The following TUSC3 variants were observed in gnomAD, a reference collection of about 807,000 sequenced individuals.
TUSC3 encodes the protein dolichyl-diphosphooligosaccharide--protein glycosyltransferase subunit TUSC3.
In TUSC3, 45 loss-of-function variants were observed where a neutral mutation model predicts 44.8. That is an observed-to-expected ratio of 1.00 (90% CI 0.79 to 1.29). TUSC3 has a LOEUF of 1.29. Among genes scored for constraint, TUSC3 ranks in the 50% most tolerant of loss-of-function variants. The probability of loss-of-function intolerance (pLI) is 0.00; values close to 1 mark genes in which losing one functional copy is unlikely to be tolerated. For synonymous variants in TUSC3, 212 were observed against 152.9 expected (o/e 1.39, Z -2.85); for missense variants, 519 against 437.9 (o/e 1.19, Z -1.65).
At chr8:15,466,682 A>C (rs1400805483) in intron 1 of TUSC3, among the ~76,000 whole-genome samples, 2 of 152,148 alleles carry the variant, frequency 1.3e-5, no homozygotes, top group Non-Finnish European at 2.9e-5. Context: ...CAGTAGATTA[A>C]GGAAAAGGTT....
At chr8:15,555,991 T>C (rs1024998117) in intron 1 of TUSC3, among the ~76,000 whole-genome samples, 3 of 151,150 alleles carry the variant, frequency 2.0e-5, no homozygotes, top group African/African-American at 7.3e-5. Flanking sequence ...ATTTTATTTT[T>C]TATTTTTTTA....
chr8:15,851,729 G>C, the TUSC3 span, among the ~76,000 whole-genome samples: 1 of 152,112 alleles, frequency 6.6e-6, no homozygotes, highest in Non-Finnish European at 1.5e-5. Flanking sequence ...TCTTCATTTT[G>C]CTGTTAGCAT....
chr8:15,754,762 C>T (rs576960284), intron 9 of TUSC3, among the ~76,000 whole-genome samples: 2 of 149,656 alleles, frequency 1.3e-5, no homozygotes, highest in East Asian at 2.0e-4. Context: ...TCTTTATGTA[C>T]AGAACCGTGA....
At chr8:15,784,517 CAT>C in the TUSC3 span, among the ~76,000 whole-genome samples, 134 of 143,432 alleles carry the variant, frequency 9.3e-4, 1 homozygote, top group East Asian at 0.014. Context: ...TGTGTGTGTG[CAT>C]ATATATATAT....
intron 2 of TUSC3, among the ~76,000 whole-genome samples, chr8:15,632,001 C>T (rs990743906): frequency 5.3e-5 from 8 of 152,114 alleles, no homozygotes; most frequent in African/African-American, 1.9e-4. Context: ...GCCACCGTAC[C>T]CGGCCAAGGC....
At chr8:15,577,185 T>A (rs1351094560) in intron 1 of TUSC3, among the ~76,000 whole-genome samples, 1 of 150,610 alleles carries the variant, frequency 6.6e-6, no homozygotes, top group Non-Finnish European at 1.5e-5. Flanking sequence ...TAAATTTGTT[T>A]GAGTTCATTG....
At chr8:15,703,461 T>A (rs1229139562) in intron 6 of TUSC3, among the ~76,000 whole-genome samples, 2 of 152,116 alleles carry the variant, frequency 1.3e-5, no homozygotes, top group African/African-American at 4.8e-5. Flanking sequence ...TTAGTGATAT[T>A]GAAAATAACA....
At chr8:15,800,408 AC>A in the TUSC3 span, among the ~76,000 whole-genome samples, 1 of 152,056 alleles carries the variant, frequency 6.6e-6, no homozygotes, top group African/African-American at 2.4e-5. Context: ...ACCCGTATCT[AC>A]AAAAAATACA....
chr8:15,437,326 C>G (rs28670740), intron 1 of TUSC3, among the ~76,000 whole-genome samples: 1 of 151,998 alleles, frequency 6.6e-6, no homozygotes, highest in Non-Finnish European at 1.5e-5. Flanking sequence ...TTAGTCTAGA[C>G]CTACATATCT....
At chr8:15,430,159 G>C (rs928721585) in intron 1 of TUSC3, among the ~76,000 whole-genome samples, 1 of 147,120 alleles carries the variant, frequency 6.8e-6, no homozygotes, top group Non-Finnish European at 1.5e-5. Flanking sequence ...CCAAAGCCTG[G>C]CAGAGACACA....
intron 1 of TUSC3, among the ~76,000 whole-genome samples, chr8:15,544,353 A>C (rs769618304): frequency 1.3e-5 from 2 of 151,724 alleles, no homozygotes; most frequent in Non-Finnish European, 2.9e-5. Context: ...TTCTGTAATT[A>C]TTTCCAGTAC....
rs1404413755 is a variant in TUSC3, at chr8:15,764,328, G to T, written c.*172G>T. The T allele has an allele frequency of 2.5e-6, 3 of 1,218,424 alleles. No homozygotes were observed. Among genetic ancestry groups the T allele is most frequent in the Non-Finnish European group, 3.5e-6 (3 of 858,270 alleles). The allele number at this position is 1,218,424 out of a possible 1,614,324, so 75.5% of individuals were successfully genotyped here. A position where few individuals can be genotyped will look rare whatever the true frequency, so the allele number is the denominator to read the frequency against. ...CATTGTGATCAGCTAGCTTATTCTT[G>T]TGTACTTTTTTTAAACTGTGGGTTT... is the stretch of plus-strand genomic sequence containing the variant. On this transcript the variant is annotated 3_prime_UTR_variant, in exon 11 of 11. Coordinates refer to ENST00000503731, the MANE Select transcript of TUSC3 (RefSeq NM_006765.4).
At chr8:15,746,612 A>G (rs1202120567) in intron 8 of TUSC3, among the ~76,000 whole-genome samples, 2 of 152,032 alleles carry the variant, frequency 1.3e-5, no homozygotes, top group Non-Finnish European at 2.9e-5. Context: ...TCCACTGCAT[A>G]GGATCAAGTA....
In TUSC3 at chr8:15,675,961, C is replaced by T. The variant is rs139136095; in HGVS notation, c.798+2125C>T. On this transcript the variant is annotated intron_variant, in intron 6 of 10. Coordinates refer to ENST00000503731, the MANE Select transcript of TUSC3 (RefSeq NM_006765.4). ...CTTTGGGTATATACCAGCAATGGAT[C>T]GCTGGGTCGAACGGTAGTTCTATCT... Among the ~76,000 whole-genome samples, 55 of 152,142 alleles carry T rather than the reference C, an allele frequency of 3.6e-4. No homozygotes were observed. The East Asian group carries it at 7.9e-3, about 22-fold the overall frequency.
At chr8:15,590,609 T>G (rs1212366150) in intron 1 of TUSC3, among the ~76,000 whole-genome samples, 1 of 151,926 alleles carries the variant, frequency 6.6e-6, no homozygotes, top group African/African-American at 2.4e-5. Context: ...ATGTGGGGGA[T>G]TCTTCAAAGT....
At chr8:15,688,783 A>G (rs1464375808) in intron 6 of TUSC3, 1 of 152,702 alleles carries the variant, frequency 6.5e-6, no homozygotes, top group Non-Finnish European at 1.5e-5. Context: ...AATCACAAAC[A>G]ATGATCAGCT....
At chr8:15,804,874 T>C in the TUSC3 span, among the ~76,000 whole-genome samples, 1 of 152,182 alleles carries the variant, frequency 6.6e-6, no homozygotes, top group Non-Finnish European at 1.5e-5. Flanking sequence ...AAGAATGAAA[T>C]TGGTAGTTTG....
intron 7 of TUSC3, among the ~76,000 whole-genome samples, chr8:15,741,015 A>G (rs1290052138): frequency 1.3e-5 from 2 of 152,226 alleles, no homozygotes; most frequent in African/African-American, 4.8e-5. Flanking sequence ...TTGTAACAAT[A>G]CAGAGGGAGA....
At chr8:15,533,923 G>A (rs1035541913) in intron 2 of TUSC3, among the ~76,000 whole-genome samples, 2 of 152,116 alleles carry the variant, frequency 1.3e-5, no homozygotes, top group African/African-American at 4.8e-5. Context: ...GAAAGTTTCT[G>A]GTTGGAGGTG....
Sources: gnomAD v4.1 joint callset for allele counts (sites outside exome capture counted in the v4.1 genomes callset) on GRCh38, gnomAD v4.1.1 for gene constraint, MANE v1.5 for transcripts, NCBI Gene and HGNC (gene_info 2026-07-23, HGNC 2026-07-21) for gene names.